The following MUSK variants were observed in gnomAD, a reference collection of about 807,000 sequenced individuals.
MUSK encodes muscle, skeletal receptor tyrosine-protein kinase.
A neutral mutation model predicts 88.7 loss-of-function variants in MUSK; 55 were observed. That is an observed-to-expected ratio of 0.62 (90% CI 0.50 to 0.78). The LOEUF (loss-of-function observed/expected upper bound fraction) is 0.78, where lower values mean the gene tolerates loss of function less well. MUSK is among the 30% of genes least tolerant of loss of function. The pLI is 0.00. For missense variants in MUSK, 1,015 were observed against 1,074.3 expected (o/e 0.94, Z 0.77); for synonymous variants, 387 against 391.9 (o/e 0.99, Z 0.15).
chr9:110,784,098 T>C (rs970688552), intron 11 of MUSK, among the ~76,000 whole-genome samples: 52 of 152,120 alleles, frequency 3.4e-4, no homozygotes, highest in Non-Finnish European at 7.2e-4. Context: ...CAAAGGTCAT[T>C]CTTAGCTATT....
At chr9:110,781,401 C>T (rs943016467) in intron 11 of MUSK, among the ~76,000 whole-genome samples, 1 of 152,084 alleles carries the variant, frequency 6.6e-6, no homozygotes, top group Non-Finnish European at 1.5e-5. Context: ...CTCAGCCTCC[C>T]GAGTAGCTGG....
chr9:110,674,540 A>G (rs1422910464), intron 1 of MUSK, among the ~76,000 whole-genome samples: 3 of 152,052 alleles, frequency 2.0e-5, no homozygotes, highest in Non-Finnish European at 2.9e-5. Context: ...AAAGTCACCT[A>G]TATGCCTTTC....
chr9:110,681,057 T>TAA (rs2076113017), intron 1 of MUSK, among the ~76,000 whole-genome samples: 1 of 20,234 alleles, frequency 4.9e-5, no homozygotes, highest in Non-Finnish European at 8.5e-5. Flanking sequence ...ATATTATATA[T>TAA]TATATATATA....
chr9:110,689,526 T>C (rs2076259849), intron 3 of MUSK, among the ~76,000 whole-genome samples: 1 of 78,726 alleles, frequency 1.3e-5, no homozygotes, highest in South Asian at 3.6e-4. Flanking sequence ...TATATACAAC[T>C]ATATATAAAT....
intron 3 of MUSK, among the ~76,000 whole-genome samples, chr9:110,689,440 A>C (rs2076256571): frequency 9.1e-6 from 1 of 109,806 alleles, no homozygotes; most frequent in Non-Finnish European, 1.6e-5. Context: ...AAAAATATTA[A>C]AATATGTAAA....
At chr9:110,672,683 T>A (rs1184852030) in intron 1 of MUSK, among the ~76,000 whole-genome samples, 1 of 152,154 alleles carries the variant, frequency 6.6e-6, no homozygotes, top group Non-Finnish European at 1.5e-5. Context: ...ACTGCATTCA[T>A]AATGTTAGAG....
intron 3 of MUSK, among the ~76,000 whole-genome samples, chr9:110,690,024 A>G (rs1275147120): frequency 1.1e-5 from 1 of 95,110 alleles, no homozygotes; most frequent in Non-Finnish European, 1.8e-5. Context: ...TATAATATAT[A>G]TTATATATTA....
chr9:110,756,795 G>A (rs973156525), intron 7 of MUSK, among the ~76,000 whole-genome samples: 1 of 152,084 alleles, frequency 6.6e-6, no homozygotes, highest in Admixed American at 6.6e-5. Flanking sequence ...AACAAAGGTT[G>A]GGGTGATTGT....
At chr9:110,772,596 CTT>C (rs1352388498) in intron 9 of MUSK, among the ~76,000 whole-genome samples, 1 of 151,824 alleles carries the variant, frequency 6.6e-6, no homozygotes, top group African/African-American at 2.4e-5. Flanking sequence ...TTTATAAAGA[CTT>C]AGTCTCTTCC....
chr9:110,693,328 C>T (rs2076382710), intron 3 of MUSK, among the ~76,000 whole-genome samples: 1 of 152,236 alleles, frequency 6.6e-6, no homozygotes, highest in African/African-American at 2.4e-5. Flanking sequence ...GGATATACAC[C>T]GGTGTGGCCA....
At chr9:110,745,915 G>A (rs1022429928) in intron 6 of MUSK, among the ~76,000 whole-genome samples, 5 of 152,362 alleles carry the variant, frequency 3.3e-5, no homozygotes, top group Admixed American at 2.0e-4. Flanking sequence ...CACAGTGCTT[G>A]GTGCCAGGGA....
intron 6 of MUSK, among the ~76,000 whole-genome samples, chr9:110,739,865 C>A (rs2077075115): frequency 6.6e-6 from 1 of 152,168 alleles, no homozygotes; most frequent in African/African-American, 2.4e-5. Context: ...ACTCATCTAA[C>A]TGGTGGCTAT....
chr9:110,734,435 A>C (rs2077003459), intron 6 of MUSK, 60 bp downstream of exon 6: 1 of 1,605,306 alleles, frequency 6.2e-7, no homozygotes, highest in Non-Finnish European at 8.5e-7. Flanking sequence ...GAACTTCAGG[A>C]TAGACCATAT....
At position 110,690,951 on chromosome 9, in the gene MUSK, G is replaced by A. The variant is rs1304154139; in HGVS notation, c.358+3683G>A. On this transcript the variant is annotated intron_variant, in intron 3 of 14. Coordinates refer to ENST00000374448, the MANE Select transcript of MUSK (RefSeq NM_005592.4). ...ATGATCATGGCTCACTGCAACCTCTGCCTCCTGAGTTCAAGCAATTCTCCT... is the reference window on the plus strand; with the variant it reads ...ATGATCATGGCTCACTGCAACCTCTACCTCCTGAGTTCAAGCAATTCTCCT... Among the ~76,000 whole-genome samples the A allele has an allele frequency of 4.7e-5, 7 of 149,718 alleles. 1 individual carries two copies. Among genetic ancestry groups the A allele is most frequent in the African/African-American group, 1.7e-4 (7 of 40,660 alleles).
intron 3 of MUSK, among the ~76,000 whole-genome samples, chr9:110,689,980 A>AT (rs2076296134): frequency 5.5e-5 from 4 of 72,982 alleles, no homozygotes; most frequent in Admixed American, 2.3e-4. Flanking sequence ...ATTATATTAT[A>AT]AATATTATAA....
chr9:110,689,308 T>TTTAAATATATA (rs1473472824), intron 3 of MUSK, among the ~76,000 whole-genome samples: 6 of 117,228 alleles, frequency 5.1e-5, no homozygotes, highest in African/African-American at 1.1e-4. Context: ...TATATTTATA[T>TTTAAATATATA]TTAAATATAT....
At chr9:110,778,898 T>C (rs1588029356) in intron 11 of MUSK, among the ~76,000 whole-genome samples, 1 of 152,168 alleles carries the variant, frequency 6.6e-6, no homozygotes, top group African/African-American at 2.4e-5. Flanking sequence ...CTCTAATTGA[T>C]AAAAATTTTA....
Position 110,803,339 on chromosome 9 carries a change from C to CG in MUSK, c.*2352dup, listed in dbSNP as rs2078121070. ...TTGTTTTGTTTTTGAGACGGAGTCT[C>CG]GCTCTGTCGCCCAGGCTGGAGTGCA... On this transcript the variant is annotated 3_prime_UTR_variant, in exon 15 of 15. Transcript: ENST00000374448. Among the ~76,000 whole-genome samples, 1 of 152,170 alleles carries CG rather than the reference C, an allele frequency of 6.6e-6. No individual in the cohort carries two copies. The highest frequency in any genetic ancestry group is 1.5e-5 in the Non-Finnish European group (1 of 68,038).
At chr9:110,716,528 T>C (rs2076745925) in intron 5 of MUSK, among the ~76,000 whole-genome samples, 1 of 150,226 alleles carries the variant, frequency 6.7e-6, no homozygotes, top group African/African-American at 2.5e-5. Flanking sequence ...TTTAATTTTC[T>C]ATTTCAATAA....
Sources: gnomAD v4.1 joint callset for allele counts (sites outside exome capture counted in the v4.1 genomes callset) on GRCh38, gnomAD v4.1.1 for gene constraint, MANE v1.5 for transcripts, NCBI Gene and HGNC (gene_info 2026-07-23, HGNC 2026-07-21) for gene names.